Variants in LHFPL6 observed in about 807,000 individuals in gnomAD.
The protein encoded by LHFPL6 is LHFPL tetraspan subfamily member 6 protein.
In LHFPL6, 9 loss-of-function variants were observed where a neutral mutation model predicts 20.6. The ratio of observed to expected loss-of-function variants is 0.44; its 90% confidence interval spans 0.26 to 0.76. LHFPL6 has a LOEUF of 0.76. Among genes scored for constraint, LHFPL6 ranks in the 30% least tolerant of loss-of-function variants. The pLI is 0.20. For missense variants in LHFPL6, 218 were observed against 253.5 expected, an observed-to-expected ratio of 0.86 and a Z score of 0.95; for synonymous variants, 105 against 98.7, an observed-to-expected ratio of 1.06 and a Z score of -0.38.
intron 3 of LHFPL6, among the ~76,000 whole-genome samples, chr13:39,369,100 C>T (rs1285672902): frequency 8.5e-6 from 1 of 118,184 alleles, no homozygotes; most frequent in East Asian, 2.4e-4. Context: ...AATAAAAGGA[C>T]AACACTGAAA....
intron 2 of LHFPL6, among the ~76,000 whole-genome samples, chr13:39,491,209 G>A (rs1868913893): frequency 6.6e-6 from 1 of 152,212 alleles, no homozygotes; most frequent in Non-Finnish European, 1.5e-5. Flanking sequence ...TTACAAGGAG[G>A]AGGAAGGGGT....
chr13:39,461,969 TA>T (rs35740984), intron 2 of LHFPL6, among the ~76,000 whole-genome samples: 21,631 of 150,748 alleles, frequency 0.14, 2,806 homozygotes, highest in East Asian at 0.52. Flanking sequence ...GGATTCACTT[TA>T]AAAAAAAAAT....
intron 2 of LHFPL6, among the ~76,000 whole-genome samples, chr13:39,513,818 T>C (rs930482770): frequency 6.6e-6 from 1 of 152,232 alleles, no homozygotes; most frequent in Admixed American, 6.5e-5. Context: ...TGACCCTCAT[T>C]AGTTCACATA....
chr13:39,554,755 C>G (rs1259498410), intron 2 of LHFPL6, among the ~76,000 whole-genome samples: 1 of 152,238 alleles, frequency 6.6e-6, no homozygotes, highest in Admixed American at 6.5e-5. Context: ...ACATCCCCAT[C>G]TACTGCCCTT....
intron 2 of LHFPL6, among the ~76,000 whole-genome samples, chr13:39,430,454 C>T (rs1871763445): frequency 6.6e-6 from 1 of 152,214 alleles, no homozygotes; most frequent in African/African-American, 2.4e-5. Context: ...TTACTCCTCA[C>T]AGTTATTAAT....
intron 3 of LHFPL6, among the ~76,000 whole-genome samples, chr13:39,348,734 C>T (rs912288302): frequency 1.3e-5 from 2 of 152,146 alleles, no homozygotes; most frequent in Non-Finnish European, 2.9e-5. Flanking sequence ...CCACCCCACC[C>T]GCCTACCCAA....
intron 2 of LHFPL6, among the ~76,000 whole-genome samples, chr13:39,542,387 G>C (rs1263629433): frequency 6.6e-6 from 1 of 152,180 alleles, no homozygotes; most frequent in Non-Finnish European, 1.5e-5. Context: ...TGTTGTTTCA[G>C]GTAGCACAAT....
At chr13:39,463,449 T>C (rs17059971) in intron 2 of LHFPL6, among the ~76,000 whole-genome samples, 14,302 of 152,224 alleles carry the variant, frequency 0.094, 1,272 homozygotes, top group East Asian at 0.52. Context: ...ATAATATTGA[T>C]TATAAAACTA....
At chr13:39,573,968 G>A (rs1254955968) in intron 2 of LHFPL6, among the ~76,000 whole-genome samples, 2 of 152,116 alleles carry the variant, frequency 1.3e-5, no homozygotes, top group Non-Finnish European at 2.9e-5. Context: ...AGAGAAAAAT[G>A]AAGTATCTCC....
chr13:39,476,107 T>A (rs112907986), intron 2 of LHFPL6, among the ~76,000 whole-genome samples: 46 of 152,354 alleles, frequency 3.0e-4, no homozygotes, highest in African/African-American at 1.1e-3. Flanking sequence ...TAAAAACACA[T>A]GATTAATATT....
intron 3 of LHFPL6, among the ~76,000 whole-genome samples, chr13:39,354,629 G>A (rs545471344): frequency 3.3e-5 from 5 of 152,208 alleles, no homozygotes; most frequent in South Asian, 2.1e-4. Context: ...AATCCAACCC[G>A]AGGAAACCAG....
At chr13:39,349,123 G>A (rs1439150558) in intron 3 of LHFPL6, among the ~76,000 whole-genome samples, 1 of 152,088 alleles carries the variant, frequency 6.6e-6, no homozygotes, top group Non-Finnish European at 1.5e-5. Context: ...AGCTGTTAAT[G>A]TTCAATGTGA....
intron 2 of LHFPL6, among the ~76,000 whole-genome samples, chr13:39,496,436 T>A (rs1869103500): frequency 6.6e-6 from 1 of 152,092 alleles, no homozygotes; most frequent in African/African-American, 2.4e-5. Context: ...GGCACAAACA[T>A]CCAGACGACA....
At chr13:39,411,632 T>C (rs1352683241) in intron 2 of LHFPL6, among the ~76,000 whole-genome samples, 1 of 152,236 alleles carries the variant, frequency 6.6e-6, no homozygotes, top group Non-Finnish European at 1.5e-5. Flanking sequence ...GACCTGGGAC[T>C]TTCATGAGCT....
At chr13:39,484,099 T>C (rs1315231327) in intron 2 of LHFPL6, among the ~76,000 whole-genome samples, 1 of 152,174 alleles carries the variant, frequency 6.6e-6, no homozygotes, top group Non-Finnish European at 1.5e-5. Context: ...GATCTGTGCT[T>C]TCAATGCCAT....
At chr13:39,562,115 C>G (rs1292637964) in intron 2 of LHFPL6, among the ~76,000 whole-genome samples, 1 of 151,938 alleles carries the variant, frequency 6.6e-6, no homozygotes, top group Non-Finnish European at 1.5e-5. Context: ...GAATATTGCC[C>G]CAGGCAGGAT....
intron 2 of LHFPL6, among the ~76,000 whole-genome samples, chr13:39,418,632 C>T (rs1208307656): frequency 2.6e-5 from 4 of 152,096 alleles, no homozygotes; most frequent in Non-Finnish European, 5.9e-5. Context: ...TGATAAAGAT[C>T]GGCAAGGCCC....
chr13:39,375,025 A>T (rs1186468), intron 3 of LHFPL6, among the ~76,000 whole-genome samples: 1 of 152,138 alleles, frequency 6.6e-6, no homozygotes, highest in Non-Finnish European at 1.5e-5. Context: ...ACAACATATC[A>T]AAAACAGCAC....
intron 2 of LHFPL6, among the ~76,000 whole-genome samples, chr13:39,472,484 G>A (rs1329231627): frequency 6.6e-6 from 1 of 152,134 alleles, no homozygotes; most frequent in Non-Finnish European, 1.5e-5. Flanking sequence ...GAAGTCTGAT[G>A]AACAACATAC....
Sources: allele counts gnomAD v4.1 joint callset (sites outside exome capture counted in the v4.1 genomes callset), GRCh38; gene constraint gnomAD v4.1.1; transcripts MANE v1.5; gene names NCBI Gene and HGNC (gene_info 2026-07-23, HGNC 2026-07-21).